The following SH3PXD2B variants were observed in gnomAD, a reference collection of about 807,000 sequenced individuals.
The protein encoded by SH3PXD2B is SH3 and PX domains 2B, also known as SH3 and PX domain-containing protein 2B.
Under a neutral mutation model 73.1 loss-of-function variants are expected in SH3PXD2B, and 37 were observed. The ratio of observed to expected loss-of-function variants is 0.51; its 90% confidence interval spans 0.39 to 0.67. SH3PXD2B has a LOEUF of 0.67. SH3PXD2B is among the 30% of genes least tolerant of loss of function. SH3PXD2B has a pLI of 0.00. For missense variants in SH3PXD2B, 1,053 were observed against 1,197.8 expected (o/e 0.88, Z 1.78); for synonymous variants, 457 against 480.5 (o/e 0.95, Z 0.64).
At chr5:172,352,731 T>C (rs1757183832) in intron 9 of SH3PXD2B, among the ~76,000 whole-genome samples, 1 of 152,190 alleles carries the variant, frequency 6.6e-6, no homozygotes, top group African/African-American at 2.4e-5. Context: ...CTTTTGCTTC[T>C]TCCTCATTTT....
At position 172,410,865 on chromosome 5, in the gene SH3PXD2B, G is replaced by T. The variant is rs115075488; in HGVS notation, c.157-4513C>A. Among the ~76,000 whole-genome samples the T allele has an allele frequency of 6.5e-3, 994 of 152,296 alleles. 9 individuals carry two copies. The highest frequency in any genetic ancestry group is 0.022 in the African/African-American group (930 of 41,576). ...TTACATTCCCCTTGTCACAGATGAG[G>T]TAACTGAGAAGCAGAGAGGGCAGTG... On this transcript the variant is annotated intron_variant, in intron 2 of 12. Coordinates refer to ENST00000311601, the MANE Select transcript of SH3PXD2B (RefSeq NM_001017995.3).
rs1370291385 is a variant in SH3PXD2B at position 172,335,394 on chromosome 5, C to T, written c.*2975G>A. 14 of 1,224,504 alleles carry T rather than the reference C, an allele frequency of 1.1e-5. No homozygotes were observed. Among genetic ancestry groups the T allele is most frequent in the African/African-American group, 1.6e-5 (1 of 64,064 alleles). The allele number at this position is 1,224,504 out of a possible 1,614,324, so 75.9% of individuals were successfully genotyped here. A position where few individuals can be genotyped will look rare whatever the true frequency, so the allele number is the denominator to read the frequency against. On this transcript the variant is annotated 3_prime_UTR_variant, in exon 13 of 13. Transcript: ENST00000311601. The stretch of plus-strand genomic sequence containing the variant: ...CCTCCGCACACTTCCCTGCTAATGG[C>T]AGAGAAAAGTCATGGACACGAGGGA...
intron 1 of SH3PXD2B, among the ~76,000 whole-genome samples, chr5:172,453,919 C>T (rs369905806): frequency 1.3e-5 from 2 of 152,156 alleles, no homozygotes; most frequent in South Asian, 4.1e-4. Flanking sequence ...TTCTGTCTCT[C>T]CCGCTTTCTG....
chr5:172,403,445 G>C (rs1489118692), intron 3 of SH3PXD2B, among the ~76,000 whole-genome samples: 3 of 152,142 alleles, frequency 2.0e-5, no homozygotes, highest in Non-Finnish European at 4.4e-5. Flanking sequence ...AAAGCTAAGA[G>C]GTGGCTCAGA....
At chr5:172,355,866 G>A (rs1166104485) in intron 8 of SH3PXD2B, among the ~76,000 whole-genome samples, 1 of 152,078 alleles carries the variant, frequency 6.6e-6, no homozygotes, top group Non-Finnish European at 1.5e-5. Flanking sequence ...TCTATCACCC[G>A]AGTCCCTCTC....
chr5:172,439,293 C>CAAAAAAAAAAAA (rs1233319484), intron 1 of SH3PXD2B, among the ~76,000 whole-genome samples: 4 of 61,584 alleles, frequency 6.5e-5, no homozygotes, highest in African/African-American at 3.3e-4. Flanking sequence ...AAAAAAAAAC[C>CAAAAAAAAAAAA]CCAAAAAAAA....
intron 11 of SH3PXD2B, 85 bp from the exon 12 acceptor site, chr5:172,346,346 A>G: frequency 6.3e-7 from 1 of 1,599,740 alleles, no homozygotes; most frequent in Non-Finnish European, 8.5e-7. Context: ...GGCCTGGGGC[A>G]TGCAATCACC....
intron 4 of SH3PXD2B, among the ~76,000 whole-genome samples, chr5:172,385,275 T>C (rs1023793220): frequency 7.9e-5 from 12 of 152,080 alleles, no homozygotes; most frequent in Admixed American, 4.6e-4. Context: ...ATCTTGTGGC[T>C]TCCCCCCAAG....
chr5:172,429,763 C>T (rs955167055), intron 1 of SH3PXD2B, among the ~76,000 whole-genome samples: 2 of 152,168 alleles, frequency 1.3e-5, no homozygotes, highest in Non-Finnish European at 2.9e-5. Flanking sequence ...GACGGAGGCT[C>T]AGAAGTACAG....
intron 2 of SH3PXD2B, among the ~76,000 whole-genome samples, chr5:172,409,252 G>A (rs1325833997): frequency 2.0e-5 from 3 of 151,930 alleles, no homozygotes; most frequent in African/African-American, 7.3e-5. Context: ...CGTGGTGGCG[G>A]GCACCTGTAA....
chr5:172,427,687 A>T (rs1759129335), intron 1 of SH3PXD2B, among the ~76,000 whole-genome samples: 1 of 151,836 alleles, frequency 6.6e-6, no homozygotes, highest in Non-Finnish European at 1.5e-5. Context: ...GTTTCAGTCT[A>T]GGGAGATGAA....
chr5:172,442,832 A>G (rs898949138), intron 1 of SH3PXD2B, among the ~76,000 whole-genome samples: 1 of 152,216 alleles, frequency 6.6e-6, no homozygotes, highest in African/African-American at 2.4e-5. Flanking sequence ...CTCATTCTGT[A>G]GAAGAGGAAA....
downstream of SH3PXD2B, among the ~76,000 whole-genome samples, chr5:172,329,083 A>ATATATTT (rs58472514): frequency 5.7e-4 from 35 of 61,806 alleles, no homozygotes; most frequent in East Asian, 2.4e-3. Flanking sequence ...ATATATATAT[A>ATATATTT]TTTTTTTTTT....
At chr5:172,392,043 A>AT (rs762486336) in intron 4 of SH3PXD2B, among the ~76,000 whole-genome samples, 3,724 of 139,606 alleles carry the variant, frequency 0.027, 134 homozygotes, top group African/African-American at 0.081. Context: ...GTCTAACTTC[A>AT]TTTTTTTTTT....
In SH3PXD2B at chr5:172,347,318, T is replaced by C. The variant is rs1490267498; in HGVS notation, c.1027A>G (p.Arg343Gly). Reference protein sequence around the residue: ...GDAKQRSPKMRQRPPPRRDMT... With the variant: ...GDAKQRSPKMGQRPPPRRDMT... ...TCCCGGCGAGGAGGGGGTCTCTGCC[T>C]CATCTTTGGTGATCCTATGGAGAAA... Residue 343 changes from arginine to glycine, a missense_variant, in exon 11 of 13, where the codon AGG becomes GGG. By Grantham distance (125) the Arg-to-Gly change is moderately radical (BLOSUM62 -2). Coordinates refer to ENST00000311601, the MANE Select transcript of SH3PXD2B (RefSeq NM_001017995.3). The C allele has an allele frequency of 2.5e-6, 4 of 1,614,076 alleles. No individual in the cohort carries two copies. The highest frequency in any genetic ancestry group is 1.7e-5 in the Admixed American group (1 of 60,008).
Position 172,333,845 on chromosome 5 carries a change from C to T in SH3PXD2B, c.*4524G>A. ...AAATGTGGGTTGTAATCAAGGTGGC[C>T]ACAGTTTATCATCACCCCTCTAAGT... On this transcript the variant is annotated 3_prime_UTR_variant, in exon 13 of 13. Transcript: ENST00000311601. The T allele has an allele frequency of 7.8e-7, 1 of 1,286,664 alleles. No homozygotes were observed. 79.7% of individuals were successfully genotyped at this position (1,286,664 alleles called of 1,614,324 possible). A position where few individuals can be genotyped will look rare whatever the true frequency, so the allele number is the denominator to read the frequency against.
At chr5:172,409,442 G>A (rs1758639026) in intron 2 of SH3PXD2B, among the ~76,000 whole-genome samples, 1 of 152,032 alleles carries the variant, frequency 6.6e-6, no homozygotes, top group Non-Finnish European at 1.5e-5. Flanking sequence ...CTATTTAGCT[G>A]TGATTTTGTT....
intron 1 of SH3PXD2B, among the ~76,000 whole-genome samples, chr5:172,443,258 T>A (rs763121221): frequency 3.3e-5 from 5 of 152,218 alleles, no homozygotes; most frequent in Non-Finnish European, 5.9e-5. Context: ...GAATCGCTAT[T>A]TGTGACAAAG....
chr5:172,376,945 C>G (rs1315735518), intron 5 of SH3PXD2B, among the ~76,000 whole-genome samples: 1 of 152,200 alleles, frequency 6.6e-6, no homozygotes, highest in African/African-American at 2.4e-5. Flanking sequence ...GACTGAAGCT[C>G]CCCTCTTGGC....
Sources: allele counts gnomAD v4.1 joint callset (sites outside exome capture counted in the v4.1 genomes callset), GRCh38; gene constraint gnomAD v4.1.1; transcripts MANE v1.5; gene names NCBI Gene and HGNC (gene_info 2026-07-23, HGNC 2026-07-21).